The following LSM14A variants were observed in gnomAD, a reference collection of about 807,000 sequenced individuals.
The protein encoded by LSM14A is LSM14A mRNA processing body assembly factor, also known as protein LSM14 homolog A.
Under a neutral mutation model 52.4 loss-of-function variants are expected in LSM14A, and 14 were observed. The observed-to-expected ratio is 0.27, with a 90% CI of 0.18 to 0.42. LSM14A has a LOEUF of 0.42. LSM14A is among the 10% of genes least tolerant of loss of function. LSM14A has a pLI of 1.00. For synonymous variants in LSM14A, 185 were observed against 200.3 expected (o/e 0.92, Z 0.64); for missense variants, 417 against 581.8 (o/e 0.72, Z 2.91).
intron 1 of LSM14A, among the ~76,000 whole-genome samples, chr19:34,184,172 C>G (rs1326080446): frequency 6.6e-6 from 1 of 151,460 alleles, no homozygotes; most frequent in Non-Finnish European, 1.5e-5. Flanking sequence ...TCTCCTACCT[C>G]AGCCTCCTGA....
chr19:34,174,293 T>C (rs1024320595), intron 1 of LSM14A, among the ~76,000 whole-genome samples: 1 of 152,200 alleles, frequency 6.6e-6, no homozygotes, highest in African/African-American at 2.4e-5. Context: ...ACAAATCTTA[T>C]ACCTGGGTAG....
At chr19:34,184,559 T>G (rs2069745500) in intron 1 of LSM14A, among the ~76,000 whole-genome samples, 1 of 152,138 alleles carries the variant, frequency 6.6e-6, no homozygotes, top group Non-Finnish European at 1.5e-5. Flanking sequence ...TTATAAGCAA[T>G]TTTTATTTAC....
intron 3 of LSM14A, among the ~76,000 whole-genome samples, chr19:34,207,019 G>A (rs2071749736): frequency 6.6e-6 from 1 of 152,184 alleles, no homozygotes; most frequent in South Asian, 2.1e-4. Context: ...CAGTTCAATG[G>A]AGAGAAAAGA....
At chr19:34,177,251 G>T (rs1317472823) in intron 1 of LSM14A, among the ~76,000 whole-genome samples, 2 of 151,890 alleles carry the variant, frequency 1.3e-5, no homozygotes, top group Non-Finnish European at 2.9e-5. Flanking sequence ...GTTTTTTATG[G>T]CTAGTGTTTC....
rs769592822 is a variant in LSM14A, at chr19:34,226,371, TTC to T, written c.1369-990_1369-989del. 503 of 1,449,786 alleles carry T rather than the reference TTC, an allele frequency of 3.5e-4. 2 individuals are homozygous for T. In the African/African-American group the frequency reaches 7.0e-3, roughly 20 times the overall value. 89.8% of individuals were successfully genotyped at this position (1,449,786 alleles called of 1,614,324 possible). ...TTCTCCCTCTCCTGTCCCCATCTCTTTCTCTTTTTTTTTTTTTTTTTTTTTTT... is the reference window on the plus strand; with the variant it reads ...TTCTCCCTCTCCTGTCCCCATCTCTTTCTTTTTTTTTTTTTTTTTTTTTTT... On this transcript the variant is annotated intron_variant, in intron 9 of 9. Coordinates refer to ENST00000544216, the MANE Select transcript of LSM14A (RefSeq NM_015578.4).
intron 1 of LSM14A, among the ~76,000 whole-genome samples, chr19:34,178,285 A>G (rs750588394): frequency 1.3e-5 from 2 of 152,182 alleles, no homozygotes; most frequent in Non-Finnish European, 2.9e-5. Flanking sequence ...GAAATGGTCG[A>G]TGTGCCTTAT....
chr19:34,221,068 C>T (rs2073025502), intron 8 of LSM14A, among the ~76,000 whole-genome samples: 1 of 147,506 alleles, frequency 6.8e-6, no homozygotes, highest in African/African-American at 2.5e-5. Context: ...CTCGTGATAA[C>T]TTAGATAAGA....
chr19:34,175,053 T>C (rs1008713436), intron 1 of LSM14A, among the ~76,000 whole-genome samples: 1 of 152,236 alleles, frequency 6.6e-6, no homozygotes, highest in Admixed American at 6.5e-5. Flanking sequence ...AGTATTTCAT[T>C]AGTCTGTAAT....
chr19:34,200,064 G>A (rs910749913), intron 3 of LSM14A, among the ~76,000 whole-genome samples: 12 of 152,146 alleles, frequency 7.9e-5, no homozygotes, highest in African/African-American at 2.7e-4. Context: ...TGATTGGGGT[G>A]GGGGGCAAAA....
chr19:34,213,214 C>G (rs2072301117), intron 4 of LSM14A, among the ~76,000 whole-genome samples: 1 of 149,556 alleles, frequency 6.7e-6, no homozygotes, highest in Non-Finnish European at 1.5e-5. Flanking sequence ...TTTTCATAGG[C>G]CAAAACTTAC....
chr19:34,173,357 C>T (rs1283061169), intron 1 of LSM14A, among the ~76,000 whole-genome samples: 1 of 152,182 alleles, frequency 6.6e-6, no homozygotes. Context: ...CCGGAATCCT[C>T]AAAGCCTGTT....
chr19:34,217,984 AC>A (rs2072779121), intron 6 of LSM14A, among the ~76,000 whole-genome samples: 1 of 137,254 alleles, frequency 7.3e-6, no homozygotes, highest in Non-Finnish European at 1.5e-5. Context: ...AGACATCTAT[AC>A]CCAAAACCTT....
chr19:34,206,199 T>A (rs934502000), intron 3 of LSM14A, among the ~76,000 whole-genome samples: 4 of 152,206 alleles, frequency 2.6e-5, no homozygotes, highest in Non-Finnish European at 5.9e-5. Context: ...TAATTTTCAC[T>A]AATCTTACAC....
chr19:34,206,319 C>T (rs2145752610), intron 3 of LSM14A, among the ~76,000 whole-genome samples: 2 of 151,140 alleles, frequency 1.3e-5, no homozygotes, highest in East Asian at 3.9e-4. Context: ...TGCAGTGAGC[C>T]ATGATTGTGC....
rs924073569 is a variant in LSM14A at position 34,193,530 on chromosome 19, C to T, written c.122-948C>T. Among the ~76,000 whole-genome samples the T allele has an allele frequency of 5.9e-5, 9 of 152,236 alleles. No homozygotes were observed. The South Asian group carries it at 1.0e-3, about 18-fold the overall frequency. ...AAAAGATTCGGTAGAAATCTTTATT[C>T]GTAGCCAGTTTACTGTGTTGCAGGT... On this transcript the variant is annotated intron_variant, in intron 1 of 9. Coordinates refer to ENST00000544216, the MANE Select transcript of LSM14A (RefSeq NM_015578.4).
At chr19:34,221,457 G>A in intron 8 of LSM14A, 50 bp from the exon 9 acceptor site, 2 of 1,566,116 alleles carry the variant, frequency 1.3e-6, no homozygotes, top group Non-Finnish European at 1.7e-6. Context: ...TTTGGCTGAG[G>A]GATATTCTTT....
chr19:34,194,391 G>A, intron 1 of LSM14A, 87 bp from the exon 2 acceptor site: 4 of 1,180,154 alleles, frequency 3.4e-6, no homozygotes, highest in Non-Finnish European at 4.9e-6. Flanking sequence ...CTACTGCTTA[G>A]TACTTGAAAT....
intron 4 of LSM14A, among the ~76,000 whole-genome samples, chr19:34,212,012 T>C (rs1474514337): frequency 1.3e-5 from 2 of 151,500 alleles, no homozygotes; most frequent in African/African-American, 2.4e-5. Context: ...AAGAAAGAGA[T>C]GAATAGAAAG....
At chr19:34,225,030 A>G (rs1313644871) in intron 9 of LSM14A, among the ~76,000 whole-genome samples, 1 of 152,114 alleles carries the variant, frequency 6.6e-6, no homozygotes, top group Non-Finnish European at 1.5e-5. Flanking sequence ...TTTTAAATAC[A>G]CTGACATTCC....
Sources: gnomAD v4.1 joint callset for allele counts (sites outside exome capture counted in the v4.1 genomes callset) on GRCh38, gnomAD v4.1.1 for gene constraint, MANE v1.5 for transcripts, NCBI Gene and HGNC (gene_info 2026-07-23, HGNC 2026-07-21) for gene names.